NELL1: variants seen among roughly 807,000 people sequenced by gnomAD.
NELL1 encodes the protein protein kinase C-binding protein NELL1.
NELL1 carries 76 observed loss-of-function variants against 107.4 expected under a neutral mutation model. That is an observed-to-expected ratio of 0.71 (90% CI 0.59 to 0.86). The LOEUF is 0.86. Among genes scored for constraint, NELL1 ranks in the 40% least tolerant of loss-of-function variants. The pLI, the probability that NELL1 is intolerant of heterozygous loss-of-function variation, is 0.00. For missense variants in NELL1, 1,024 were observed against 1,005.5 expected (o/e 1.02, Z -0.25); for synonymous variants, 353 against 341.2 (o/e 1.03, Z -0.38).
chr11:21,092,294 A>G (rs1234747354), intron 12 of NELL1, among the ~76,000 whole-genome samples: 1 of 152,148 alleles, frequency 6.6e-6, no homozygotes. Context: ...GTTAAGGGTC[A>G]GCACCCTGTA....
intron 12 of NELL1, among the ~76,000 whole-genome samples, chr11:20,987,515 T>C (rs1448943857): frequency 6.6e-6 from 1 of 152,130 alleles, no homozygotes; most frequent in Non-Finnish European, 1.5e-5. Flanking sequence ...CTTCTTCACA[T>C]GGTGGCAGCA....
intron 14 of NELL1, among the ~76,000 whole-genome samples, chr11:21,357,400 A>C (rs1220204860): frequency 6.6e-6 from 1 of 152,132 alleles, no homozygotes; most frequent in African/African-American, 2.4e-5. Context: ...TTCCCTGATA[A>C]TTAGTGATGT....
chr11:21,548,587 A>G (rs1856498546), intron 16 of NELL1, among the ~76,000 whole-genome samples: 1 of 151,904 alleles, frequency 6.6e-6, no homozygotes, highest in African/African-American at 2.4e-5. Context: ...GGGGGAAACC[A>G]TCTCCATGAT....
At chr11:21,164,216 T>G (rs1371049402) in intron 13 of NELL1, among the ~76,000 whole-genome samples, 1 of 152,228 alleles carries the variant, frequency 6.6e-6, no homozygotes, top group Non-Finnish European at 1.5e-5. Flanking sequence ...CAAATAGATG[T>G]AAACTGTGCA....
At chr11:20,936,447 C>T (rs181799861) in intron 9 of NELL1, among the ~76,000 whole-genome samples, 3 of 152,266 alleles carry the variant, frequency 2.0e-5, no homozygotes, top group Non-Finnish European at 4.4e-5. Flanking sequence ...GGACTTTCTT[C>T]TTCCTGTGGC....
In NELL1 at chr11:21,185,293, C is replaced by CTTT. The variant is rs11446941; in HGVS notation, c.1427-44022_1427-44020dup. ...ACATACTTGTATTTAATTCCAGTAT[C>CTTT]TTTTTTTTTTTTTTTTTTTGAGGTG... On this transcript the variant is annotated intron_variant, in intron 13 of 19. Coordinates refer to ENST00000357134, the MANE Select transcript of NELL1 (RefSeq NM_006157.5). Among the ~76,000 whole-genome samples the CTTT allele has an allele frequency of 4.2e-4, 50 of 118,464 alleles. 1 individual carries two copies. Among genetic ancestry groups the CTTT allele is most frequent in the East Asian group, 1.5e-3 (6 of 4,008 alleles). 77.7% of individuals were successfully genotyped at this position (118,464 alleles called of 152,430 possible).
chr11:21,436,642 G>T (rs898964843), intron 15 of NELL1, among the ~76,000 whole-genome samples: 2 of 151,582 alleles, frequency 1.3e-5, no homozygotes, highest in African/African-American at 4.8e-5. Flanking sequence ...GTTTATTTCT[G>T]CTCTGATATT....
intron 4 of NELL1, among the ~76,000 whole-genome samples, chr11:20,852,257 C>T (rs554212029): frequency 3.3e-5 from 5 of 152,276 alleles, no homozygotes; most frequent in African/African-American, 1.2e-4. Context: ...TTAGTCTAGA[C>T]TAGACTAAAC....
chr11:20,735,859 T>C (rs1284328443), intron 2 of NELL1, among the ~76,000 whole-genome samples: 1 of 152,124 alleles, frequency 6.6e-6, no homozygotes, highest in Non-Finnish European at 1.5e-5. Context: ...GTCAGAGATA[T>C]TATAACATAT....
chr11:21,240,369 A>G (rs991443739), intron 14 of NELL1, among the ~76,000 whole-genome samples: 1 of 152,004 alleles, frequency 6.6e-6, no homozygotes, highest in Non-Finnish European at 1.5e-5. Context: ...TGGGGGTATT[A>G]GTTATAATCC....
chr11:21,332,457 G>C (rs112217054), intron 14 of NELL1, among the ~76,000 whole-genome samples: 16 of 151,724 alleles, frequency 1.1e-4, no homozygotes, highest in Non-Finnish European at 2.2e-4. Flanking sequence ...GCAATCTTGG[G>C]GATCCCTTTA....
chr11:21,475,514 C>G (rs1206391739), intron 15 of NELL1, among the ~76,000 whole-genome samples: 1 of 152,106 alleles, frequency 6.6e-6, no homozygotes. Context: ...TATGAGTGAA[C>G]AAGATATAGG....
rs1555006224 is a variant in NELL1, at chr11:21,337,837, T to TTC, written c.1550-33015_1550-33014insCT. On this transcript the variant is annotated intron_variant, in intron 14 of 19. Coordinates refer to ENST00000357134, the MANE Select transcript of NELL1 (RefSeq NM_006157.5). ...CTTTCCTTCTTTCTTTCTTTCTTTC[T>TTC]TTTCTTTCTTTCTTTCTTTCTTTCT... Among the ~76,000 whole-genome samples the TTC allele has an allele frequency of 5.9e-3, 509 of 86,624 alleles. 9 individuals carry two copies. The highest frequency in any genetic ancestry group is 0.022 in the African/African-American group (467 of 21,220). 56.8% of individuals were successfully genotyped at this position (86,624 alleles called of 152,430 possible).
chr11:20,707,212 C>G (rs1250401878), intron 2 of NELL1, among the ~76,000 whole-genome samples: 1 of 152,212 alleles, frequency 6.6e-6, no homozygotes, highest in African/African-American at 2.4e-5. Flanking sequence ...TCAGCTCTAT[C>G]AGGTCATTTA....
chr11:20,694,825 G>A (rs1245467026), intron 2 of NELL1, among the ~76,000 whole-genome samples: 2 of 151,706 alleles, frequency 1.3e-5, no homozygotes, highest in African/African-American at 4.8e-5. Flanking sequence ...TTAATTCTAT[G>A]AAAAATGACA....
At chr11:21,250,783 T>A (rs1388704493) in intron 14 of NELL1, among the ~76,000 whole-genome samples, 1 of 152,188 alleles carries the variant, frequency 6.6e-6, no homozygotes, top group Non-Finnish European at 1.5e-5. Flanking sequence ...GATACACATA[T>A]AAATTATAAT....
At chr11:21,506,391 T>C (rs1213147426) in intron 15 of NELL1, among the ~76,000 whole-genome samples, 2 of 152,220 alleles carry the variant, frequency 1.3e-5, no homozygotes, top group African/African-American at 2.4e-5. Flanking sequence ...GATGTGTTTA[T>C]GACTTTATGG....
chr11:20,897,889 T>A (rs955714927), intron 5 of NELL1, among the ~76,000 whole-genome samples: 17 of 152,020 alleles, frequency 1.1e-4, no homozygotes, highest in Admixed American at 6.5e-4. Flanking sequence ...CACCAGTTAG[T>A]ATGGCGATCA....
chr11:21,487,249 C>G (rs1229721015), intron 15 of NELL1, among the ~76,000 whole-genome samples: 3 of 152,074 alleles, frequency 2.0e-5, no homozygotes, highest in Non-Finnish European at 4.4e-5. Context: ...AGAGGAACCA[C>G]CATCAGACTA....
Sources: allele counts gnomAD v4.1 joint callset (sites outside exome capture counted in the v4.1 genomes callset), GRCh38; gene constraint gnomAD v4.1.1; transcripts MANE v1.5; gene names NCBI Gene and HGNC (gene_info 2026-07-23, HGNC 2026-07-21).